The following ZNF91 variants were observed in gnomAD, a reference collection of about 807,000 sequenced individuals.
ZNF91 encodes zinc finger protein 91 (HPF7, HTF10).
In ZNF91, 7 loss-of-function variants were observed where a neutral mutation model predicts 12.6. The observed-to-expected ratio is 0.55, with a 90% CI of 0.31 to 1.04. ZNF91 has a LOEUF of 1.04. ZNF91 is among the 50% of genes least tolerant of loss of function. The pLI is 0.05. For synonymous variants in ZNF91, 453 were observed against 462.6 expected, an observed-to-expected ratio of 0.98 and a Z score of 0.27; for missense variants, 1,217 against 1,385.4, an observed-to-expected ratio of 0.88 and a Z score of 1.93.
chr19:23,367,051 GA>G (rs567638796), intron 3 of ZNF91, among the ~76,000 whole-genome samples: 180 of 152,306 alleles, frequency 1.2e-3, no homozygotes, highest in African/African-American at 3.8e-3. Flanking sequence ...CCAACACATA[GA>G]GAGACCAAGG....
chr19:23,365,347 C>A (rs548307049), intron 3 of ZNF91, among the ~76,000 whole-genome samples: 20 of 150,470 alleles, frequency 1.3e-4, no homozygotes, highest in African/African-American at 4.6e-4. Context: ...GGGCTGATGC[C>A]TGTAATCCTA....
chr19:23,395,265 T>C (rs1386439943), intron 1 of ZNF91, 60 bp downstream of exon 1: 1 of 1,596,586 alleles, frequency 6.3e-7, no homozygotes, highest in Non-Finnish European at 8.5e-7. Context: ...CACAGCCGCA[T>C]CCCACCGGTT....
rs1238890080 is a variant in ZNF91 at position 23,323,343 on chromosome 19, TC to T, written n.117-14247del. ...CTCCATCTTCTCCTCGTCCTCCTCC[TC>T]CTCTCCCCCTCCTTTCCTCCTCTTC... On this transcript the variant is annotated intron_variant and non_coding_transcript_variant, in intron 1 of 1. Transcript: ENST00000596528. Among the ~76,000 whole-genome samples, 1,242 of 145,414 alleles carry T rather than the reference TC, an allele frequency of 8.5e-3. 12 individuals are homozygous for T. The highest frequency in any genetic ancestry group is 0.012 in the Non-Finnish European group (824 of 66,316).
intron 1 of ZNF91, among the ~76,000 whole-genome samples, chr19:23,390,154 T>A (rs963280283): frequency 9.2e-5 from 14 of 152,002 alleles, no homozygotes; most frequent in Non-Finnish European, 1.6e-4. Context: ...CTGTCTCTAG[T>A]AAAAATGCAA....
intron 1 of ZNF91, among the ~76,000 whole-genome samples, chr19:23,331,001 G>C (rs189657776): frequency 1.3e-5 from 2 of 152,178 alleles, no homozygotes; most frequent in African/African-American, 4.8e-5. Flanking sequence ...GTATATATAA[G>C]GCAACTTTTA....
intron 1 of ZNF91, among the ~76,000 whole-genome samples, chr19:23,318,492 C>T (rs567309348): frequency 6.6e-6 from 1 of 152,206 alleles, no homozygotes; most frequent in African/African-American, 2.4e-5. Context: ...TACACTTTTG[C>T]CTTGGTTCTG....
chr19:23,336,337 G>C (rs941981997), downstream of ZNF91, among the ~76,000 whole-genome samples: 1 of 152,152 alleles, frequency 6.6e-6, no homozygotes, highest in African/African-American at 2.4e-5. Context: ...TTAGCTTGCA[G>C]AGAAGTGCAC....
intron 1 of ZNF91, among the ~76,000 whole-genome samples, chr19:23,317,503 C>G (rs1157339883): frequency 1.3e-5 from 2 of 152,110 alleles, no homozygotes; most frequent in Non-Finnish European, 2.9e-5. Context: ...TATTGAGACT[C>G]TCATGCATAA....
intron 1 of ZNF91, among the ~76,000 whole-genome samples, chr19:23,329,863 G>A (rs17473980): frequency 2.0e-5 from 3 of 152,052 alleles, no homozygotes; most frequent in Non-Finnish European, 2.9e-5. Context: ...GAGACAGCAT[G>A]CAATCTGACC....
intron 3 of ZNF91, among the ~76,000 whole-genome samples, chr19:23,346,800 T>C (rs1056630265): frequency 6.6e-6 from 1 of 152,130 alleles, no homozygotes; most frequent in Non-Finnish European, 1.5e-5. Context: ...CCATGCCAAC[T>C]TAACAGTTTA....
chr19:23,321,296 T>C (rs1967689300), intron 1 of ZNF91, among the ~76,000 whole-genome samples: 2 of 152,188 alleles, frequency 1.3e-5, no homozygotes, highest in South Asian at 2.1e-4. Flanking sequence ...GGAGGCATTG[T>C]GGCATATCGC....
intron 3 of ZNF91, among the ~76,000 whole-genome samples, chr19:23,352,407 C>T (rs1968388996): frequency 6.6e-6 from 1 of 152,120 alleles, no homozygotes; most frequent in Admixed American, 6.5e-5. Context: ...AGAGTCTGAA[C>T]TCAGACACAT....
chr19:23,378,644 T>C (rs1568399187), intron 1 of ZNF91, among the ~76,000 whole-genome samples: 1 of 152,136 alleles, frequency 6.6e-6, no homozygotes, highest in Non-Finnish European at 1.5e-5. Context: ...ATACAAATAA[T>C]AACTTTTTTG....
chr19:23,376,697 G>A (rs954117390), intron 1 of ZNF91, among the ~76,000 whole-genome samples: 2 of 152,072 alleles, frequency 1.3e-5, no homozygotes, highest in African/African-American at 2.4e-5. Flanking sequence ...CCTATCATAA[G>A]CATTTTTAAA....
At chr19:23,384,917 C>G (rs1254602085) in intron 1 of ZNF91, 2 of 781,946 alleles carry the variant, frequency 2.6e-6, no homozygotes. Context: ...AACTTTAATT[C>G]CAAACAGGAG....
chr19:23,382,138 C>T (rs553793696), intron 1 of ZNF91, among the ~76,000 whole-genome samples: 3 of 150,390 alleles, frequency 2.0e-5, no homozygotes, highest in Non-Finnish European at 2.9e-5. Context: ...AAAATATATA[C>T]GTAATCTAAA....
chr19:23,348,944 G>A (rs1599708573), intron 3 of ZNF91, among the ~76,000 whole-genome samples: 1 of 152,064 alleles, frequency 6.6e-6, no homozygotes, highest in Non-Finnish European at 1.5e-5. Context: ...TGTCTTATGC[G>A]GTTGAGAGAA....
At chr19:23,320,644 C>G (rs1967670030) in intron 1 of ZNF91, among the ~76,000 whole-genome samples, 1 of 152,206 alleles carries the variant, frequency 6.6e-6, no homozygotes, top group Non-Finnish European at 1.5e-5. Flanking sequence ...CAATGACCTG[C>G]CTGCTTTGAC....
At chr19:23,365,398 G>T (rs1017508500) in intron 3 of ZNF91, among the ~76,000 whole-genome samples, 2 of 151,744 alleles carry the variant, frequency 1.3e-5, no homozygotes, top group Non-Finnish European at 2.9e-5. Context: ...TAGAAACCAG[G>T]AGTTTCAGAT....
Sources: gnomAD v4.1 joint callset for allele counts (sites outside exome capture counted in the v4.1 genomes callset) on GRCh38, gnomAD v4.1.1 for gene constraint, MANE v1.5 for transcripts, NCBI Gene and HGNC (gene_info 2026-07-23, HGNC 2026-07-21) for gene names.